Variants in FIP1L1 observed in about 807,000 individuals in gnomAD.
FIP1L1 encodes the protein pre-mRNA 3'-end-processing factor FIP1.
A neutral mutation model predicts 84.6 loss-of-function variants in FIP1L1; 21 were observed. The observed-to-expected ratio is 0.25, with a 90% CI of 0.18 to 0.36. The LOEUF is 0.36. Among genes scored for constraint, FIP1L1 ranks in the 10% least tolerant of loss-of-function variants. FIP1L1 has a pLI of 1.00. For synonymous variants in FIP1L1, 263 were observed against 242.3 expected (o/e 1.09, Z -0.80); for missense variants, 526 against 751.1 (o/e 0.70, Z 3.50).
At chr4:53,408,672 T>G (rs550116449) in intron 10 of FIP1L1, among the ~76,000 whole-genome samples, 1 of 152,332 alleles carries the variant, frequency 6.6e-6, no homozygotes, top group South Asian at 2.1e-4. Context: ...AGTCCCATAT[T>G]TCTTGGAGGC....
intron 11 of FIP1L1, among the ~76,000 whole-genome samples, chr4:53,422,688 A>T (rs894684255): frequency 6.6e-6 from 1 of 151,460 alleles, no homozygotes; most frequent in Non-Finnish European, 1.5e-5. Flanking sequence ...TCCAAGAAAA[A>T]GCAGCTGAGA....
chr4:53,384,240 C>A (rs574380645), intron 5 of FIP1L1, among the ~76,000 whole-genome samples: 1 of 152,024 alleles, frequency 6.6e-6, no homozygotes, highest in Non-Finnish European at 1.5e-5. Flanking sequence ...GAAACCTTAT[C>A]TCTACTAAAA....
At chr4:53,447,980 A>G (rs1159755055) in intron 15 of FIP1L1, among the ~76,000 whole-genome samples, 2 of 152,044 alleles carry the variant, frequency 1.3e-5, no homozygotes, top group Non-Finnish European at 2.9e-5. Context: ...GGATTTTCAG[A>G]TTAGGAAATC....
intron 1 of FIP1L1, 71 bp from the exon 2 acceptor site, chr4:53,379,002 A>G: frequency 6.9e-7 from 1 of 1,458,880 alleles, no homozygotes; most frequent in Non-Finnish European, 9.5e-7. Flanking sequence ...GTAAAGTCTG[A>G]TTTTTTTTTC....
At chr4:53,446,440 C>T (rs1203757118) in intron 15 of FIP1L1, among the ~76,000 whole-genome samples, 2 of 152,120 alleles carry the variant, frequency 1.3e-5, no homozygotes, top group African/African-American at 2.4e-5. Flanking sequence ...CTCCAAGTTC[C>T]TTCCCTTTTC....
chr4:53,455,010 G>A lies in FIP1L1; in HGVS notation c.1499+1877G>A, dbSNP rs546496401. On this transcript the variant is annotated intron_variant, in intron 16 of 17. Coordinates refer to ENST00000337488, the MANE Select transcript of FIP1L1 (RefSeq NM_030917.4). The stretch of plus-strand genomic sequence containing the variant: ...CTTGTACTTTTATGTTATATAGATA[G>A]TGTCTTTCCTTAATCCTTACAAACC... 1.1e-4 allele frequency among the ~76,000 whole-genome samples: 16 copies of A among 152,296 alleles called. No individual in the cohort carries two copies. The South Asian group carries it at 3.3e-3, about 32-fold the overall frequency.
At chr4:53,428,464 A>G (rs537041358) in intron 13 of FIP1L1, among the ~76,000 whole-genome samples, 5 of 152,370 alleles carry the variant, frequency 3.3e-5, no homozygotes, top group East Asian at 3.9e-4. Flanking sequence ...TAGAATATGT[A>G]TAAATCCATA....
chr4:53,450,258 A>G (rs1174525444), intron 15 of FIP1L1, among the ~76,000 whole-genome samples: 2 of 152,122 alleles, frequency 1.3e-5, no homozygotes, highest in Non-Finnish European at 1.5e-5. Flanking sequence ...TTAGTTCCTA[A>G]TGATTTAAAT....
intron 13 of FIP1L1, chr4:53,440,704 T>C (rs1771493770): frequency 2.4e-6 from 2 of 835,378 alleles, no homozygotes; most frequent in South Asian, 1.4e-5. Context: ...GGTTAGAATA[T>C]GGAATAGGCT....
At chr4:53,383,748 T>G in intron 4 of FIP1L1, 25 bp from the exon 5 acceptor site, 1 of 1,577,454 alleles carries the variant, frequency 6.3e-7, no homozygotes. Flanking sequence ...TGAATGTATT[T>G]TATAATTTGT....
intron 13 of FIP1L1, among the ~76,000 whole-genome samples, chr4:53,439,433 T>C (rs780334850): frequency 6.6e-6 from 1 of 152,110 alleles, no homozygotes; most frequent in East Asian, 1.9e-4. Context: ...GGCCATTTGC[T>C]ACCTTAAGAT....
At chr4:53,426,926 A>G (rs1315544956) in intron 12 of FIP1L1, among the ~76,000 whole-genome samples, 2 of 151,666 alleles carry the variant, frequency 1.3e-5, no homozygotes, top group Non-Finnish European at 3.0e-5. Flanking sequence ...CATTTTGGCC[A>G]TACTTTTTTT....
intron 10 of FIP1L1, among the ~76,000 whole-genome samples, chr4:53,405,440 C>T (rs1184050067): frequency 2.0e-5 from 3 of 152,216 alleles, no homozygotes; most frequent in South Asian, 2.1e-4. Flanking sequence ...AGTCAGGTAG[C>T]TTGATGCCTC....
intron 9 of FIP1L1, 51 bp downstream of exon 9, chr4:53,391,549 C>A: frequency 7.6e-7 from 1 of 1,317,868 alleles, no homozygotes; most frequent in Non-Finnish European, 1.1e-6. Context: ...GTTCTTGAGT[C>A]TGCTCCCATG....
At chr4:53,400,891 T>C (rs1749879321) in intron 10 of FIP1L1, among the ~76,000 whole-genome samples, 1 of 152,230 alleles carries the variant, frequency 6.6e-6, no homozygotes, top group African/African-American at 2.4e-5. Context: ...ATATGTAGTA[T>C]TCTTTTGGCT....
chr4:53,429,073 A>C (rs1310065813), intron 13 of FIP1L1, among the ~76,000 whole-genome samples: 1 of 152,220 alleles, frequency 6.6e-6, no homozygotes, highest in African/African-American at 2.4e-5. Context: ...CCGAGTACAG[A>C]ACCAAATCCA....
At chr4:53,421,368 C>T (rs1481823037) in intron 11 of FIP1L1, among the ~76,000 whole-genome samples, 1 of 152,156 alleles carries the variant, frequency 6.6e-6, no homozygotes, top group Non-Finnish European at 1.5e-5. Context: ...ATATTTGCCA[C>T]GTAGAAATTG....
rs1366225732 is a variant in FIP1L1, at chr4:53,392,624, G to A, written c.705+1126G>A. Among the ~76,000 whole-genome samples, 5 of 152,228 alleles carry A rather than the reference G, an allele frequency of 3.3e-5. No homozygotes were observed. The East Asian group carries it at 5.8e-4, about 18-fold the overall frequency. ...GTCTTAATGAACTAGTTCATTAGCA[G>A]CAGTGCATTTTATTTTCTTTTAATA... is the stretch of plus-strand genomic sequence containing the variant. On this transcript the variant is annotated intron_variant, in intron 9 of 17. Coordinates refer to ENST00000337488, the MANE Select transcript of FIP1L1 (RefSeq NM_030917.4).
intron 15 of FIP1L1, among the ~76,000 whole-genome samples, chr4:53,444,432 A>G (rs1390549263): frequency 1.3e-5 from 2 of 152,144 alleles, no homozygotes; most frequent in Non-Finnish European, 2.9e-5. Flanking sequence ...GCACACACCT[A>G]ACCTTGTTTC....
Sources: gnomAD v4.1 joint callset for allele counts (sites outside exome capture counted in the v4.1 genomes callset) on GRCh38, gnomAD v4.1.1 for gene constraint, MANE v1.5 for transcripts, NCBI Gene and HGNC (gene_info 2026-07-23, HGNC 2026-07-21) for gene names.